IST1: variants seen among roughly 807,000 people sequenced by gnomAD.
IST1 encodes the protein IST1 factor associated with ESCRT-III.
A neutral mutation model predicts 37.0 loss-of-function variants in IST1; 23 were observed. The ratio of observed to expected loss-of-function variants is 0.62; its 90% confidence interval spans 0.45 to 0.88. The LOEUF (loss-of-function observed/expected upper bound fraction) is 0.88. IST1 is among the 40% of genes least tolerant of loss of function. IST1 has a pLI of 0.00. For synonymous variants in IST1, 180 were observed against 161.7 expected (o/e 1.11, Z -0.86); for missense variants, 488 against 445.4 (o/e 1.10, Z -0.86).
chr16:71,896,624 A>G (rs1203498052), intron 1 of IST1, among the ~76,000 whole-genome samples: 3 of 152,020 alleles, frequency 2.0e-5, no homozygotes, highest in African/African-American at 4.8e-5. Flanking sequence ...ACAAGCCAAT[A>G]GTTTGTGGGA....
At chr16:71,907,321 A>G (rs932277802) in intron 1 of IST1, among the ~76,000 whole-genome samples, 4 of 144,660 alleles carry the variant, frequency 2.8e-5, no homozygotes, top group Non-Finnish European at 4.5e-5. Context: ...TCTGTCGCCC[A>G]TGCTGGAGTG....
intron 4 of IST1, among the ~76,000 whole-genome samples, chr16:71,917,647 G>A (rs1437690313): frequency 1.3e-5 from 2 of 152,142 alleles, no homozygotes; most frequent in East Asian, 3.9e-4. Flanking sequence ...TGACTCCTAG[G>A]ATACAAATTC....
chr16:71,928,251 G>A lies in IST1; in HGVS notation c.*438G>A. The A allele has an allele frequency of 5.7e-6, 1 of 175,456 alleles. No homozygotes were observed. Among genetic ancestry groups the A allele is most frequent in the Admixed American group, 5.7e-5 (1 of 17,476 alleles). The allele number at this position is 175,456 out of a possible 1,614,324, so 10.9% of individuals were successfully genotyped here. A position where few individuals can be genotyped will look rare whatever the true frequency, so the allele number is the denominator to read the frequency against. On this transcript the variant is annotated 3_prime_UTR_variant, in exon 10 of 10. Transcript: ENST00000378799. ...GACCCCTCTGTACAGGGGGATTGTGGTGAGTGAGAATCAAGGCCACCTTGT... is the reference window on the plus strand; with the variant it reads ...GACCCCTCTGTACAGGGGGATTGTGATGAGTGAGAATCAAGGCCACCTTGT...
chr16:71,917,948 T>G (rs1399299539), intron 4 of IST1, among the ~76,000 whole-genome samples: 2 of 152,226 alleles, frequency 1.3e-5, no homozygotes, highest in Non-Finnish European at 2.9e-5. Flanking sequence ...TTCCAAAGAT[T>G]TAGTGGTCCT....
Position 71,921,536 on chromosome 16 carries a change from A to G in IST1, c.552+83A>G, listed in dbSNP as rs2142583451. The G allele has an allele frequency of 5.0e-6, 4 of 795,836 alleles. No individual in the cohort carries two copies. In the South Asian group the frequency reaches 6.1e-5, roughly 12 times the overall value. The allele number at this position is 795,836 out of a possible 1,614,324, so 49.3% of individuals were successfully genotyped here. A position where few individuals can be genotyped will look rare whatever the true frequency, so the allele number is the denominator to read the frequency against. On this transcript the variant is annotated intron_variant, in intron 6 of 9. Transcript: ENST00000378799. ...AAACAAAAAAAACATTCTTTGCACT[A>G]ACTTAAATTTGTGTGAGTTTAAGCC...
rs527810173 is a variant in IST1 at position 71,920,310 on chromosome 16, A to G, written c.358-429A>G. Among the ~76,000 whole-genome samples, 14 of 152,350 alleles carry G rather than the reference A, an allele frequency of 9.2e-5. No homozygotes were observed. The South Asian group carries it at 2.1e-3, about 23-fold the overall frequency. The stretch of plus-strand genomic sequence containing the variant: ...TGTATTTCTTATATTTAACAGCTAC[A>G]TAGGATACGGCTTAACAAAGAGTTA... On this transcript the variant is annotated intron_variant, in intron 4 of 9. Transcript: ENST00000378799.
In IST1 at chr16:71,929,036, T is replaced by A. The variant is rs2037821765; in HGVS notation, c.*1223T>A. The A allele has an allele frequency of 1.3e-5, 2 of 153,346 alleles. No homozygotes were observed. Among genetic ancestry groups the A allele is most frequent in the Non-Finnish European group, 2.9e-5 (2 of 68,780 alleles). The allele number at this position is 153,346 out of a possible 1,614,324, so 9.5% of individuals were successfully genotyped here. Reference sequence around the variant, plus strand: ...CTTTCTCTACTGTTTGGTCAGATGATGAAGTATAAATCTGGATTTTAGTGG... The same window carrying A: ...CTTTCTCTACTGTTTGGTCAGATGAAGAAGTATAAATCTGGATTTTAGTGG... On this transcript the variant is annotated 3_prime_UTR_variant, in exon 10 of 10. Coordinates refer to ENST00000378799, the MANE Select transcript of IST1 (RefSeq NM_001270975.2).
Position 71,921,401 on chromosome 16 carries a change from T to C in IST1, c.500T>C (p.Ile167Thr). 1 of 1,613,894 alleles carries C rather than the reference T, an allele frequency of 6.2e-7. No individual in the cohort carries two copies. The highest frequency in any genetic ancestry group is 8.5e-7 in the Non-Finnish European group (1 of 1,179,808). ...AAAATCCTGGTGGAGAGATACCTGA[T>C]TGAAATTGCAAAGAATTACAACGTA... Reference protein sequence around the residue: ...PPKILVERYLIEIAKNYNVPY... With the variant: ...PPKILVERYLTEIAKNYNVPY... The change falls in exon 6 of 10, where the codon ATT becomes ACT. Residue 167 changes from isoleucine (I) to threonine (T), a missense_variant. Physicochemically the swap from Ile to Thr is moderately conservative, Grantham distance 89 (BLOSUM62 -1). Coordinates refer to ENST00000378799, the MANE Select transcript of IST1 (RefSeq NM_001270975.2).
chr16:71,899,724 A>G (rs1414605277), intron 1 of IST1, among the ~76,000 whole-genome samples: 2 of 151,774 alleles, frequency 1.3e-5, no homozygotes, highest in Non-Finnish European at 1.5e-5. Flanking sequence ...AAAAATAGAA[A>G]AAATTAGCTG....
intron 9 of IST1, among the ~76,000 whole-genome samples, chr16:71,926,360 T>G (rs1368325443): frequency 6.6e-6 from 1 of 152,032 alleles, no homozygotes; most frequent in African/African-American, 2.4e-5. Context: ...GTTTTTTTTT[T>G]TTTTAGGCAG....
At chr16:71,925,280 G>A (rs924352774) in intron 9 of IST1, among the ~76,000 whole-genome samples, 1 of 148,386 alleles carries the variant, frequency 6.7e-6, no homozygotes, top group Non-Finnish European at 1.5e-5. Flanking sequence ...CTCCCAAAGT[G>A]CTTGGATTAC....
chr16:71,921,355 C>T lies in IST1; in HGVS notation c.454C>T (p.Leu152=), dbSNP rs373491430. 1 of 1,610,050 alleles carries T rather than the reference C, an allele frequency of 6.2e-7. No homozygotes were observed. Among genetic ancestry groups the T allele is most frequent in the Non-Finnish European group, 8.5e-7 (1 of 1,177,202 alleles). ...TTTTTACTTACAGCTAATGCACAAG[C>T]TGAGTGTGGAAGCCCCACCCAAAAT... The part of the protein sequence containing the change: ...GTVNDRLMHK[L]SVEAPPKILV... Residue 152 remains leucine (L), a synonymous_variant, in exon 6 of 10, where the codon CTG becomes TTG. Transcript: ENST00000378799.
chr16:71,915,401 A>G (rs533397851), intron 1 of IST1, among the ~76,000 whole-genome samples: 5 of 152,332 alleles, frequency 3.3e-5, no homozygotes, highest in Admixed American at 6.5e-5. Context: ...TCTGGATGAT[A>G]ATAATAGCCT....
At chr16:71,904,024 T>C (rs144431461) in intron 1 of IST1, among the ~76,000 whole-genome samples, 1 of 152,346 alleles carries the variant, frequency 6.6e-6, no homozygotes, top group East Asian at 1.9e-4. Context: ...TTCACCCTTT[T>C]ATGCTTATGT....
chr16:71,920,990 C>A (rs1454457535), intron 5 of IST1, 168 bp downstream of exon 5: 1 of 666,884 alleles, frequency 1.5e-6, no homozygotes, highest in East Asian at 2.7e-5. Flanking sequence ...AATCCTTACA[C>A]CTGCCCAATT....
intron 3 of IST1, 94 bp downstream of exon 3, chr16:71,916,736 C>A: frequency 1.9e-6 from 2 of 1,048,956 alleles, no homozygotes; most frequent in Non-Finnish European, 2.8e-6. Flanking sequence ...ATTTCACATG[C>A]CCAAGGATCT....
chr16:71,928,613 TG>T lies in IST1; in HGVS notation c.*803del, dbSNP rs1960517557. ...ACAAGGTGCCATTCAAGTCCTAGGG[TG>T]GGCTTCCAGCTGCCTTAATAGAAGT... On this transcript the variant is annotated 3_prime_UTR_variant, in exon 10 of 10. Coordinates refer to ENST00000378799, the MANE Select transcript of IST1 (RefSeq NM_001270975.2). 1 of 152,620 alleles carries T rather than the reference TG, an allele frequency of 6.6e-6. No homozygotes were observed. The highest frequency in any genetic ancestry group is 1.5e-5 in the Non-Finnish European group (1 of 68,042). The allele number at this position is 152,620 out of a possible 1,614,324, so 9.5% of individuals were successfully genotyped here.
At chr16:71,894,716 T>TTTTTTGG, upstream of IST1, 2 of 557,206 alleles carry the variant, frequency 3.6e-6, no homozygotes, top group South Asian at 5.0e-5. Context: ...TTTTTTTTTT[T>TTTTTTGG]GTAGCGATGC....
rs1196800060 is a variant in IST1 at position 71,929,815 on chromosome 16, T to C, written c.*2002T>C. ...TTCTTTAATAATTTGCAGTCAGGCA[T>C]TGGAGTGTTTCCACTAATGGTTGCG... On this transcript the variant is annotated 3_prime_UTR_variant, in exon 10 of 10. Coordinates refer to ENST00000378799, the MANE Select transcript of IST1 (RefSeq NM_001270975.2). 2.0e-6 allele frequency: 2 copies of C among 1,019,784 alleles called. No individual in the cohort carries two copies. Among genetic ancestry groups the C allele is most frequent in the East Asian group, 2.6e-5 (1 of 38,334 alleles). The allele number at this position is 1,019,784 out of a possible 1,614,324, so 63.2% of individuals were successfully genotyped here. A position where few individuals can be genotyped will look rare whatever the true frequency, so the allele number is the denominator to read the frequency against.
Sources: allele counts gnomAD v4.1 joint callset (sites outside exome capture counted in the v4.1 genomes callset), GRCh38; gene constraint gnomAD v4.1.1; transcripts MANE v1.5; gene names NCBI Gene and HGNC (gene_info 2026-07-23, HGNC 2026-07-21).